MGA: variants seen among roughly 807,000 people sequenced by gnomAD.
MGA encodes MAX dimerization protein MGA.
In MGA, 40 loss-of-function variants were observed where a neutral mutation model predicts 261.1. The observed-to-expected ratio is 0.15, with a 90% CI of 0.12 to 0.20. The LOEUF (loss-of-function observed/expected upper bound fraction) is 0.20, where lower values mean the gene tolerates loss of function less well. Ranked by LOEUF, MGA falls within the 10% of genes least tolerant of loss-of-function variation. The pLI, the probability that MGA is intolerant of heterozygous loss-of-function variation, is 1.00. For synonymous variants in MGA, 1,302 were observed against 1,290.6 expected, an observed-to-expected ratio of 1.01 and a Z score of -0.19; for missense variants, 3,397 against 3,630.5, an observed-to-expected ratio of 0.94 and a Z score of 1.65.
intron 18 of MGA, among the ~76,000 whole-genome samples, chr15:41,755,339 C>G (rs1368995641): frequency 3.9e-5 from 6 of 152,178 alleles, no homozygotes; most frequent in Admixed American, 6.5e-5. Flanking sequence ...GAAAGTAGGA[C>G]TAATAGTTTT....
intron 11 of MGA, among the ~76,000 whole-genome samples, chr15:41,730,682 AC>A (rs2061461474): frequency 1.3e-5 from 2 of 152,210 alleles, no homozygotes; most frequent in African/African-American, 4.8e-5. Flanking sequence ...ACATATGTGC[AC>A]ACAATAAAGA....
At chr15:41,748,979 T>C (rs1023688240) in intron 16 of MGA, 52 bp downstream of exon 16, 19 of 1,585,374 alleles carry the variant, frequency 1.2e-5, no homozygotes, top group Non-Finnish European at 1.5e-5. Flanking sequence ...CTTGGCCATA[T>C]GGTATGTTAA....
chr15:41,747,598 C>T (rs997286766), intron 15 of MGA, among the ~76,000 whole-genome samples: 2 of 151,300 alleles, frequency 1.3e-5, no homozygotes, highest in East Asian at 1.9e-4. Context: ...CCTGTGGTCC[C>T]AGCTACTTGG....
At chr15:41,635,871 C>T (rs1424616082) in intron 1 of MGA, among the ~76,000 whole-genome samples, 1 of 152,110 alleles carries the variant, frequency 6.6e-6, no homozygotes, top group Non-Finnish European at 1.5e-5. Flanking sequence ...TGGCACAATG[C>T]ATTTACTCTT....
chr15:41,707,596 TG>T (rs2060186985), intron 5 of MGA, 131 bp from the exon 6 acceptor site: 1 of 790,514 alleles, frequency 1.3e-6, no homozygotes, highest in Non-Finnish European at 1.9e-6. Flanking sequence ...TCATTGTTTT[TG>T]CTCTTCACTA....
At chr15:41,694,407 A>G (rs1051511441) in intron 2 of MGA, among the ~76,000 whole-genome samples, 2 of 152,184 alleles carry the variant, frequency 1.3e-5, no homozygotes, top group African/African-American at 2.4e-5. Context: ...CAGGGAAAAA[A>G]AAAGTGACTG....
Position 41,769,810 on chromosome 15 carries a change from TTAAA to T in MGA, c.*2533_*2536del, listed in dbSNP as rs1273857569. 2.0e-5 allele frequency: 3 copies of T among 152,602 alleles called. No homozygotes were observed. Among genetic ancestry groups the T allele is most frequent in the South Asian group, 2.1e-4 (1 of 4,834 alleles). The allele number at this position is 152,602 out of a possible 1,614,324, so 9.5% of individuals were successfully genotyped here. A position where few individuals can be genotyped will look rare whatever the true frequency, so the allele number is the denominator to read the frequency against. ...CAGATTTAGCATTTTCTTTTATATA[TTAAA>T]TATATATATCTTTCCTTTTCTGCTT... On this transcript the variant is annotated 3_prime_UTR_variant, in exon 24 of 24. Transcript: ENST00000219905.
intron 9 of MGA, among the ~76,000 whole-genome samples, chr15:41,714,117 GA>G (rs1375728212): frequency 6.6e-6 from 1 of 152,042 alleles, no homozygotes; most frequent in Non-Finnish European, 1.5e-5. Flanking sequence ...CCGTATAATT[GA>G]AACAGGTTTC....
At chr15:41,755,268 G>A (rs2063080898) in intron 18 of MGA, among the ~76,000 whole-genome samples, 1 of 152,214 alleles carries the variant, frequency 6.6e-6, no homozygotes, top group South Asian at 2.1e-4. Flanking sequence ...TATGAAAGTA[G>A]CTATGAGTTG....
chr15:41,637,004 G>A lies in MGA; in HGVS notation c.-68+15706G>A, dbSNP rs905375330. On this transcript the variant is annotated intron_variant, in intron 1 of 8. Transcript: ENST00000566718. Reference sequence around the variant, plus strand: ...CATGATCTGGAAACTTTGATAGAAAGGCAAGAGAATGACAATCATATCTTG... The same window carrying A: ...CATGATCTGGAAACTTTGATAGAAAAGCAAGAGAATGACAATCATATCTTG... Among the ~76,000 whole-genome samples the A allele has an allele frequency of 3.9e-5, 6 of 152,150 alleles. No homozygotes were observed. The East Asian group carries it at 1.2e-3, about 29-fold the overall frequency.
In MGA at chr15:41,633,354, A is replaced by T. The variant is rs11340331; in HGVS notation, c.-68+12056A>T. 7.9e-3 allele frequency among the ~76,000 whole-genome samples: 887 copies of T among 112,506 alleles called. 52 individuals carry two copies. The highest frequency in any genetic ancestry group is 0.01 in the Non-Finnish European group (500 of 49,122). 73.8% of individuals were successfully genotyped at this position (112,506 alleles called of 152,430 possible). The stretch of plus-strand genomic sequence containing the variant: ...CTTCCTGACATTGCCCTCCTATGGT[A>T]TTTTTTTTTTTTTTTTTGAGACAGA... On this transcript the variant is annotated intron_variant, in intron 1 of 8. Coordinates refer to the MGA transcript ENST00000566718.
rs373314951 is a variant in MGA at position 41,750,451 on chromosome 15, C to A, written c.6844C>A (p.Gln2282Lys). ...CTTACTGCTACCTGGAGAACAGATA[C>A]AACCAAAGCAAGAGAAGAAGGGTGG... is the stretch of plus-strand genomic sequence containing the variant. Residue 2282 changes from glutamine to lysine, a missense_variant, in exon 17 of 24, where the codon CAA becomes AAA. Physicochemically the swap from Gln to Lys is moderately conservative, Grantham distance 53. Coordinates refer to ENST00000219905, the MANE Select transcript of MGA (RefSeq NM_001164273.2). 3.7e-6 allele frequency: 6 copies of A among 1,613,830 alleles called. No homozygotes were observed. The highest frequency in any genetic ancestry group is 1.3e-5 in the African/African-American group (1 of 74,924).
intron 10 of MGA, among the ~76,000 whole-genome samples, chr15:41,727,922 A>G (rs920349850): frequency 6.6e-6 from 1 of 152,210 alleles, no homozygotes; most frequent in Admixed American, 6.5e-5. Context: ...TATCAAATCC[A>G]TGTGTCCTCC....
At chr15:41,630,101 G>A (rs190864138) in intron 1 of MGA, among the ~76,000 whole-genome samples, 4 of 152,046 alleles carry the variant, frequency 2.6e-5, no homozygotes, top group South Asian at 2.1e-4. Flanking sequence ...ACATCATCTC[G>A]CTCCTTTTTA....
chr15:41,728,907 C>G (rs975100256), intron 10 of MGA, among the ~76,000 whole-genome samples: 1 of 152,156 alleles, frequency 6.6e-6, no homozygotes, highest in Admixed American at 6.5e-5. Context: ...TGGTAATTAA[C>G]AATGTATCCT....
At chr15:41,623,481 A>G (rs1365415104) in intron 1 of MGA, among the ~76,000 whole-genome samples, 1 of 152,142 alleles carries the variant, frequency 6.6e-6, no homozygotes, top group African/African-American at 2.4e-5. Context: ...GTGGTGGCTC[A>G]CGCCTGTAAT....
chr15:41,739,679 A>G (rs2061984132), intron 13 of MGA, among the ~76,000 whole-genome samples: 1 of 152,234 alleles, frequency 6.6e-6, no homozygotes. Flanking sequence ...CTCTATTTTC[A>G]AACTACAATA....
At chr15:41,672,713 C>T (rs1254156666) in intron 2 of MGA, among the ~76,000 whole-genome samples, 1 of 152,192 alleles carries the variant, frequency 6.6e-6, no homozygotes, top group African/African-American at 2.4e-5. Flanking sequence ...TTGGACAAAT[C>T]TGGCCTATAG....
intron 1 of MGA, among the ~76,000 whole-genome samples, chr15:41,624,179 C>T (rs1444994027): frequency 1.3e-5 from 2 of 152,140 alleles, no homozygotes; most frequent in East Asian, 3.9e-4. Context: ...GTTCTCCTGC[C>T]TCAGCCTCCC....
Sources: allele counts gnomAD v4.1 joint callset (sites outside exome capture counted in the v4.1 genomes callset), GRCh38; gene constraint gnomAD v4.1.1; transcripts MANE v1.5; gene names NCBI Gene and HGNC (gene_info 2026-07-23, HGNC 2026-07-21).